THADA: variants seen among roughly 807,000 people sequenced by gnomAD.
THADA encodes the protein tRNA (32-2'-O)-methyltransferase regulator THADA.
In THADA, 213 loss-of-function variants were observed where a neutral mutation model predicts 219.8. That is an observed-to-expected ratio of 0.97 (90% CI 0.87 to 1.09). The LOEUF is 1.09. Among genes scored for constraint, THADA ranks in the 50% least tolerant of loss-of-function variants. The pLI, the probability that THADA is intolerant of heterozygous loss-of-function variation, is 0.00. For missense variants in THADA, 2,956 were observed against 2,311.3 expected (o/e 1.28, Z -5.72); for synonymous variants, 1,018 against 828.9 (o/e 1.23, Z -3.92).
chr2:43,454,647 G>A (rs983695287), intron 26 of THADA, among the ~76,000 whole-genome samples: 25 of 151,220 alleles, frequency 1.7e-4, no homozygotes, highest in Non-Finnish European at 3.0e-4. Flanking sequence ...ACACATACAT[G>A]GTTATGTTAA....
intron 25 of THADA, chr2:43,492,089 G>C (rs1384201883): frequency 5.3e-5 from 8 of 152,252 alleles, no homozygotes; most frequent in African/African-American, 1.9e-4. Flanking sequence ...GAGGCAGATG[G>C]ATTGCTTGAG....
rs1190491991 is a variant in THADA at position 43,462,457 on chromosome 2, G to T, written c.3836+22777C>A. On this transcript the variant is annotated intron_variant, in intron 26 of 37. Transcript: ENST00000405975. ...TAAACATTTCTAGTTTAAAAAAACA[G>T]GGGAGGCTACCTTTTGGTTTGATGT... Among the ~76,000 whole-genome samples, 4 of 152,278 alleles carry T rather than the reference G, an allele frequency of 2.6e-5. No homozygotes were observed. The East Asian group carries it at 7.7e-4, about 29-fold the overall frequency.
intron 15 of THADA, chr2:43,562,750 T>C (rs2103952156): frequency 6.6e-6 from 1 of 152,348 alleles, no homozygotes; most frequent in East Asian, 1.9e-4. Flanking sequence ...GAATACTGAT[T>C]CAATCTCTTA....
rs778456628 is a variant in THADA at position 43,574,328 on chromosome 2, T to G, written c.1729+8A>C. On this transcript the variant is annotated splice_region_variant and intron_variant, in intron 11 of 37. Transcript: ENST00000405975. Reference sequence around the variant, plus strand: ...GAAACTACTAAAACAAAAATGCATTTTTCTTACCAGTTTTAGCATCAATAG... The same window carrying G: ...GAAACTACTAAAACAAAAATGCATTGTTCTTACCAGTTTTAGCATCAATAG... 7.2e-6 allele frequency: 11 copies of G among 1,521,042 alleles called. No individual in the cohort carries two copies. In the South Asian group the frequency reaches 1.3e-4, roughly 18 times the overall value. 94.2% of individuals were successfully genotyped at this position (1,521,042 alleles called of 1,614,324 possible).
chr2:43,327,667 A>T (rs1679494402), intron 30 of THADA, among the ~76,000 whole-genome samples: 1 of 152,134 alleles, frequency 6.6e-6, no homozygotes, highest in Non-Finnish European at 1.5e-5. Flanking sequence ...GCTACTCTGG[A>T]GGCTGACATG....
At chr2:43,550,628 T>C (rs1696638842) in intron 19 of THADA, among the ~76,000 whole-genome samples, 1 of 152,174 alleles carries the variant, frequency 6.6e-6, no homozygotes, top group Non-Finnish European at 1.5e-5. Context: ...AAGACAGTTT[T>C]TGAGACCAAC....
chr2:43,595,626 C>T (rs1340350918), intron 1 of THADA: 1 of 152,416 alleles, frequency 6.6e-6, no homozygotes, highest in East Asian at 1.9e-4. Context: ...GTAAATTACA[C>T]TCCTCCTAGG....
chr2:43,316,989 C>T (rs1678159997), intron 31 of THADA, among the ~76,000 whole-genome samples: 1 of 152,232 alleles, frequency 6.6e-6, no homozygotes, highest in African/African-American at 2.4e-5. Context: ...ATGCAAAGCA[C>T]ATTCTTCACA....
chr2:43,486,600 G>A (rs1049147205), intron 25 of THADA: 6 of 152,138 alleles, frequency 3.9e-5, no homozygotes, highest in Non-Finnish European at 8.8e-5. Context: ...TAAAAGTAAC[G>A]TTAAGATTTA....
intron 26 of THADA, among the ~76,000 whole-genome samples, chr2:43,480,642 C>T (rs1318804255): frequency 2.6e-5 from 4 of 151,236 alleles, no homozygotes; most frequent in Non-Finnish European, 4.4e-5. Context: ...AACCCCATTT[C>T]TACTAAAAAA....
chr2:43,353,022 T>C (rs1668461657), intron 29 of THADA, among the ~76,000 whole-genome samples: 1 of 152,240 alleles, frequency 6.6e-6, no homozygotes, highest in African/African-American at 2.4e-5. Context: ...TCTGGCTTAT[T>C]TCTCTCAGCA....
intron 36 of THADA, among the ~76,000 whole-genome samples, chr2:43,267,540 G>A (rs901606132): frequency 1.4e-4 from 21 of 152,196 alleles, no homozygotes; most frequent in African/African-American, 4.6e-4. Flanking sequence ...CACGATTTCT[G>A]AGCCTCTTTG....
chr2:43,502,716 CTATTT>C (rs1286721344), intron 24 of THADA, among the ~76,000 whole-genome samples: 2 of 151,574 alleles, frequency 1.3e-5, no homozygotes, highest in East Asian at 1.9e-4. Context: ...CTGACCTATT[CTATTT>C]TATTAAAATT....
At chr2:43,384,960 G>C (rs1672464599) in intron 29 of THADA, among the ~76,000 whole-genome samples, 1 of 152,038 alleles carries the variant, frequency 6.6e-6, no homozygotes, top group African/African-American at 2.4e-5. Context: ...GGCTAACATG[G>C]TGAAACACCA....
At chr2:43,586,248 C>A (rs1343847512) in intron 7 of THADA, among the ~76,000 whole-genome samples, 153 bp downstream of exon 7, 1 of 152,022 alleles carries the variant, frequency 6.6e-6, no homozygotes, top group Non-Finnish European at 1.5e-5. Context: ...CTGGGTGACA[C>A]AGCAAGACCC....
intron 36 of THADA, among the ~76,000 whole-genome samples, chr2:43,252,865 T>A (rs1669942418): frequency 6.6e-6 from 1 of 152,224 alleles, no homozygotes; most frequent in Non-Finnish European, 1.5e-5. Context: ...TCACGCTGTT[T>A]AATCTCAGCT....
intron 26 of THADA, among the ~76,000 whole-genome samples, chr2:43,434,781 T>C (rs1041155638): frequency 2.0e-5 from 3 of 152,308 alleles, no homozygotes; most frequent in Admixed American, 1.3e-4. Context: ...ATTCTTCCGG[T>C]ATATCAAGGC....
chr2:43,582,116 A>C (rs1208496528), intron 7 of THADA, among the ~76,000 whole-genome samples, 188 bp from the exon 8 acceptor site: 2 of 152,154 alleles, frequency 1.3e-5, no homozygotes, highest in African/African-American at 4.8e-5. Flanking sequence ...AACTTTCAAC[A>C]CTGTTAACTT....
intron 16 of THADA, among the ~76,000 whole-genome samples, chr2:43,559,113 T>C (rs926835954): frequency 2.0e-5 from 3 of 152,124 alleles, no homozygotes; most frequent in African/African-American, 7.2e-5. Flanking sequence ...TGAGGTGACA[T>C]GTGATGAATG....
Sources: gnomAD v4.1 joint callset for allele counts (sites outside exome capture counted in the v4.1 genomes callset) on GRCh38, gnomAD v4.1.1 for gene constraint, MANE v1.5 for transcripts, NCBI Gene and HGNC (gene_info 2026-07-23, HGNC 2026-07-21) for gene names.